Variants in ACTN4 observed in about 807,000 individuals in gnomAD.
The protein encoded by ACTN4 is alpha-actinin-4.
In ACTN4, 18 loss-of-function variants were observed where a neutral mutation model predicts 114.2. That is an observed-to-expected ratio of 0.16 (90% confidence interval 0.11 to 0.23). The LOEUF is 0.23. ACTN4 is among the 10% of genes least tolerant of loss of function. ACTN4 has a pLI of 1.00. For missense variants in ACTN4, 722 were observed against 1,262.9 expected, an observed-to-expected ratio of 0.57 and a Z score of 6.49; for synonymous variants, 515 against 506.3, an observed-to-expected ratio of 1.02 and a Z score of -0.23.
rs1969513023 is a variant in ACTN4 at position 38,730,651 on chromosome 19, G to A, written c.*1219G>A. On this transcript the variant is annotated 3_prime_UTR_variant, in exon 21 of 21. Coordinates refer to ENST00000252699, the MANE Select transcript of ACTN4 (RefSeq NM_004924.6). ...GTGGACTAGCTCGTGTCATCTGCTC[G>A]AGAAGGGCTGTCGCTGTTCTTGTTT... is the stretch of plus-strand genomic sequence containing the variant. 1.7e-5 allele frequency: 11 copies of A among 643,242 alleles called. No homozygotes were observed. Among genetic ancestry groups the A allele is most frequent in the South Asian group, 9.2e-5 (5 of 54,210 alleles). The allele number at this position is 643,242 out of a possible 1,614,324, so 39.8% of individuals were successfully genotyped here.
chr19:38,710,446 CCT>C (rs1968609305), intron 8 of ACTN4, 104 bp downstream of exon 8: 4 of 1,293,004 alleles, frequency 3.1e-6, no homozygotes, highest in Non-Finnish European at 3.3e-6. Context: ...ACGGCAGTGG[CCT>C]CTCTCCAACT....
chr19:38,699,803 G>A (rs1479733697), intron 1 of ACTN4, among the ~76,000 whole-genome samples: 2 of 152,112 alleles, frequency 1.3e-5, no homozygotes, highest in Non-Finnish European at 2.9e-5. Context: ...GGCATGGCAT[G>A]TTCTCCAGGA....
chr19:38,730,859 A>T lies in ACTN4; in HGVS notation c.*1427A>T, dbSNP rs1351273068. ...TGCGCCCATCCGGAGATCCTAGGAG[A>T]AGGTGGCCACCTCCATCCACTAAGG... On this transcript the variant is annotated 3_prime_UTR_variant, in exon 21 of 21. Transcript: ENST00000252699. 1.3e-6 allele frequency: 2 copies of T among 1,551,228 alleles called. No homozygotes were observed. Among genetic ancestry groups the T allele is most frequent in the African/African-American group, 1.4e-5 (1 of 73,102 alleles).
intron 12 of ACTN4, among the ~76,000 whole-genome samples, chr19:38,722,154 C>T (rs981003559): frequency 5.3e-5 from 8 of 152,184 alleles, no homozygotes; most frequent in Admixed American, 1.3e-4. Context: ...TCCAGGCAGC[C>T]GGGCTCCTTC....
chr19:38,696,520 A>G (rs1184657381), intron 1 of ACTN4, among the ~76,000 whole-genome samples: 2 of 152,178 alleles, frequency 1.3e-5, no homozygotes, highest in Non-Finnish European at 2.9e-5. Flanking sequence ...TTTGTAACCA[A>G]GTAGAAGAAG....
intron 4 of ACTN4, 69 bp from the exon 5 acceptor site, chr19:38,705,975 A>T: frequency 6.4e-7 from 1 of 1,551,862 alleles, no homozygotes; most frequent in Non-Finnish European, 8.9e-7. Flanking sequence ...CGAAAGTCCC[A>T]TCCAACTTGG....
chr19:38,725,019 C>G (rs149549605), intron 16 of ACTN4, among the ~76,000 whole-genome samples: 151 of 152,310 alleles, frequency 9.9e-4, no homozygotes, highest in Middle Eastern at 3.4e-3. Flanking sequence ...TTGTGAGACT[C>G]AGGCACTATT....
At chr19:38,713,265 C>T (rs1250874886) in intron 8 of ACTN4, among the ~76,000 whole-genome samples, 1 of 152,244 alleles carries the variant, frequency 6.6e-6, no homozygotes, top group Non-Finnish European at 1.5e-5. Context: ...ACCGCCAGTG[C>T]ACTGAGCCCC....
intron 1 of ACTN4, among the ~76,000 whole-genome samples, chr19:38,675,135 G>T (rs549875542): frequency 6.6e-6 from 1 of 152,306 alleles, no homozygotes; most frequent in African/African-American, 2.4e-5. Context: ...CTGTGTTGCT[G>T]GTGGGAGATG....
chr19:38,709,751 T>G (rs1433046611), intron 7 of ACTN4, among the ~76,000 whole-genome samples: 2 of 152,086 alleles, frequency 1.3e-5, no homozygotes, highest in African/African-American at 4.8e-5. Context: ...CTCCTGAGGG[T>G]GCATCTCCTC....
At chr19:38,669,569 G>A (rs1967069890) in intron 1 of ACTN4, among the ~76,000 whole-genome samples, 2 of 152,286 alleles carry the variant, frequency 1.3e-5, no homozygotes, top group African/African-American at 4.8e-5. Context: ...ACTGTGGTGT[G>A]GGTGGCAGAA....
Position 38,647,869 on chromosome 19 carries a change from C to A in ACTN4, c.124C>A (p.Leu42Met). Residue 42 changes from leucine to methionine, a missense_variant, in exon 1 of 21, where the codon CTG (leucine) becomes ATG (methionine). By Grantham distance (15) the Leu-to-Met change is conservative. Transcript: ENST00000252699. ...MAQEDDWDRDLLLDPAWEKQQ... is the reference protein window; with the variant it reads ...MAQEDDWDRDMLLDPAWEKQQ... ...CCAGGAGGACGACTGGGACCGGGAC[C>A]TGCTGCTGGACCCGGCCTGGGAGAA... 1 of 1,533,264 alleles carries A rather than the reference C, an allele frequency of 6.5e-7. No individual in the cohort carries two copies. The highest frequency in any genetic ancestry group is 1.2e-5 in the South Asian group (1 of 82,780). 95.0% of individuals were successfully genotyped at this position (1,533,264 alleles called of 1,614,324 possible).
At chr19:38,721,085 C>T (rs529319569) in intron 11 of ACTN4, among the ~76,000 whole-genome samples, 3 of 152,324 alleles carry the variant, frequency 2.0e-5, no homozygotes, top group South Asian at 4.1e-4. Flanking sequence ...ACCACCTGTG[C>T]GGGTGCAGGG....
intron 3 of ACTN4, among the ~76,000 whole-genome samples, chr19:38,703,190 G>A (rs1968341164): frequency 6.6e-6 from 1 of 151,930 alleles, no homozygotes; most frequent in Non-Finnish European, 1.5e-5. Context: ...AGTTACTGAG[G>A]CTGAAGAAGG....
At position 38,692,118 on chromosome 19, in the gene ACTN4, T is replaced by G. The variant is rs1035824638; in HGVS notation, c.163-8482T>G. On this transcript the variant is annotated intron_variant, in intron 1 of 20. Transcript: ENST00000252699. ...CTCCAACTGCGAAGTCAGAGCTTTT[T>G]CATGCAGGCTGAGAAAACTCCGAAT... 7.2e-5 allele frequency among the ~76,000 whole-genome samples: 11 copies of G among 152,324 alleles called. 1 individual carries two copies. Among genetic ancestry groups the G allele is most frequent in the African/African-American group, 2.6e-4 (11 of 41,572 alleles).
intron 1 of ACTN4, among the ~76,000 whole-genome samples, chr19:38,685,396 G>T (rs1019165061): frequency 2.6e-5 from 4 of 152,100 alleles, no homozygotes; most frequent in Non-Finnish European, 4.4e-5. Flanking sequence ...TTTCTGGTTG[G>T]AGTCACCTCC....
intron 1 of ACTN4, among the ~76,000 whole-genome samples, chr19:38,685,153 C>T (rs1967701996): frequency 6.6e-6 from 1 of 152,090 alleles, no homozygotes; most frequent in South Asian, 2.1e-4. Context: ...ACCATGTTGA[C>T]CGGGATGGTC....
chr19:38,723,747 C>T (rs749369350), intron 13 of ACTN4, 25 bp downstream of exon 13: 35 of 1,573,912 alleles, frequency 2.2e-5, no homozygotes, highest in South Asian at 6.8e-5. Context: ...ACATCACCCA[C>T]GGAGCTCTGT....
At chr19:38,680,289 C>T (rs1967523831) in intron 1 of ACTN4, among the ~76,000 whole-genome samples, 1 of 145,320 alleles carries the variant, frequency 6.9e-6, no homozygotes, top group Non-Finnish European at 1.5e-5. Context: ...AGTGCAGTGG[C>T]ACAATCTTGG....
Sources: gnomAD v4.1 joint callset for allele counts (sites outside exome capture counted in the v4.1 genomes callset) on GRCh38, gnomAD v4.1.1 for gene constraint, MANE v1.5 for transcripts, NCBI Gene and HGNC (gene_info 2026-07-23, HGNC 2026-07-21) for gene names.